The following SDK2 variants were observed in gnomAD, a reference collection of about 807,000 sequenced individuals.
SDK2 encodes protein sidekick-2.
A neutral mutation model predicts 253.9 loss-of-function variants in SDK2; 105 were observed. The observed-to-expected ratio is 0.41, with a 90% CI of 0.35 to 0.49. The LOEUF is 0.49. Ranked by LOEUF, SDK2 falls within the 20% of genes least tolerant of loss-of-function variation. The pLI is 0.06. For missense variants in SDK2, 2,608 were observed against 3,003.0 expected (o/e 0.87, Z 3.07); for synonymous variants, 1,249 against 1,234.9 (o/e 1.01, Z -0.24).
rs1555607360 is a variant in SDK2 at position 73,588,209 on chromosome 17, C to CCGG, written c.64+55815_64+55816insCCG. ...CCAACATGGAGAGACCCCCCCCCCT[C>CCGG]CCCCGCCATCTCTACTAAAAATACA... On this transcript the variant is annotated intron_variant, in intron 1 of 44. Transcript: ENST00000392650. Among the ~76,000 whole-genome samples, 94 of 137,054 alleles carry CCGG rather than the reference C, an allele frequency of 6.9e-4. 1 individual carries two copies. The highest frequency in any genetic ancestry group is 2.7e-3 in the African/African-American group (90 of 33,760). The allele number at this position is 137,054 out of a possible 152,430, so 89.9% of individuals were successfully genotyped here.
chr17:73,359,174 T>G (rs968155566), intron 39 of SDK2, among the ~76,000 whole-genome samples: 1 of 151,670 alleles, frequency 6.6e-6, no homozygotes, highest in Non-Finnish European at 1.5e-5. Flanking sequence ...CATGAGTGGG[T>G]GGCCACCTGG....
intron 1 of SDK2, among the ~76,000 whole-genome samples, chr17:73,633,449 TC>T (rs925586584): frequency 3.3e-5 from 5 of 152,062 alleles, no homozygotes; most frequent in African/African-American, 1.2e-4. Flanking sequence ...GCATTTACCT[TC>T]CCATTTTTTT....
chr17:73,550,312 T>C (rs78955192), intron 1 of SDK2, among the ~76,000 whole-genome samples: 8,791 of 152,238 alleles, frequency 0.058, 716 homozygotes, highest in African/African-American at 0.19. Context: ...CTGAAATATA[T>C]GCTGCTTAAT....
chr17:73,388,419 G>A (rs1336173325), intron 29 of SDK2, among the ~76,000 whole-genome samples: 1 of 152,198 alleles, frequency 6.6e-6, no homozygotes, highest in Admixed American at 6.5e-5. Flanking sequence ...CCTACGAGAA[G>A]CGCTGCTTCA....
intron 18 of SDK2, among the ~76,000 whole-genome samples, chr17:73,413,290 C>T (rs1327743090): frequency 6.6e-6 from 1 of 151,812 alleles, no homozygotes; most frequent in African/African-American, 2.4e-5. Context: ...CTGTCACTGT[C>T]TCCCATCACC....
Position 73,465,947 on chromosome 17 carries a change from G to C in SDK2, c.331+6165C>G, listed in dbSNP as rs2063593902. Among the ~76,000 whole-genome samples, 1 of 152,194 alleles carries C rather than the reference G, an allele frequency of 6.6e-6. No homozygotes were observed. The highest frequency in any genetic ancestry group is 1.5e-5 in the Non-Finnish European group (1 of 68,028). On this transcript the variant is annotated intron_variant, in intron 3 of 44. Transcript: ENST00000392650. This position sits in a 1 kb window ranked among gnomAD's most constrained non-coding sequence, Gnocchi z 4.2. ...GTGTGCCATCTGCGTGTGTGTGTAA[G>C]GAGACAGACGGATTGGCAGACAGGC...
intron 41 of SDK2, among the ~76,000 whole-genome samples, chr17:73,351,002 G>A (rs1644532086): frequency 6.6e-6 from 1 of 152,194 alleles, no homozygotes; most frequent in African/African-American, 2.4e-5. Flanking sequence ...GATGTCAGAT[G>A]AGTTCTGAGA....
At chr17:73,485,570 T>C (rs546344142) in intron 2 of SDK2, among the ~76,000 whole-genome samples, 34 of 152,240 alleles carry the variant, frequency 2.2e-4, no homozygotes, top group African/African-American at 7.9e-4. Context: ...AAAACAGAGC[T>C]TAGCAAACTA....
intron 18 of SDK2, among the ~76,000 whole-genome samples, chr17:73,412,098 A>ATG (rs1555764343): frequency 3.2e-5 from 3 of 93,898 alleles, no homozygotes; most frequent in African/African-American, 3.9e-5. Flanking sequence ...ATATACGTAT[A>ATG]TATGTATACG....
At chr17:73,582,991 T>C (rs1394585658) in intron 1 of SDK2, among the ~76,000 whole-genome samples, 1 of 152,144 alleles carries the variant, frequency 6.6e-6, no homozygotes, top group Non-Finnish European at 1.5e-5. Context: ...CCAGGGCCTT[T>C]ACACAGCCCG....
Position 73,598,913 on chromosome 17 carries a change from C to T in SDK2, c.64+45112G>A, listed in dbSNP as rs537472924. Among the ~76,000 whole-genome samples, 116 of 152,356 alleles carry T rather than the reference C, an allele frequency of 7.6e-4. 1 individual carries two copies. Among genetic ancestry groups the T allele is most frequent in the African/African-American group, 2.7e-3 (111 of 41,584 alleles). ...TAAAATGAATGGATCAGGCACCAAG[C>T]GCCGGCTTGCTTCGATTTTTCTTCA... On this transcript the variant is annotated intron_variant, in intron 1 of 44. Transcript: ENST00000392650.
intron 1 of SDK2, among the ~76,000 whole-genome samples, chr17:73,577,289 A>C (rs1254105433): frequency 6.6e-6 from 1 of 152,244 alleles, no homozygotes; most frequent in Non-Finnish European, 1.5e-5. Context: ...AAAACTCTTA[A>C]GTGGAATCCA....
intron 5 of SDK2, among the ~76,000 whole-genome samples, chr17:73,444,549 C>A (rs2063438437): frequency 1.3e-5 from 2 of 152,212 alleles, no homozygotes; most frequent in African/African-American, 4.8e-5. Context: ...CTTTGCGTAA[C>A]AGCCAGGACA....
chr17:73,392,504 A>G lies in SDK2; in HGVS notation c.3899-966T>C, dbSNP rs192375711. On this transcript the variant is annotated intron_variant, in intron 27 of 44. Coordinates refer to ENST00000392650, the MANE Select transcript of SDK2 (RefSeq NM_001144952.2). ...GGCTGGTCTTGAACTCCTGACCTCA[A>G]GTGGTCTGCCTGCCTTGGCTGCCTA... is the stretch of plus-strand genomic sequence containing the variant. 1.8e-3 allele frequency among the ~76,000 whole-genome samples: 269 copies of G among 152,210 alleles called. 1 individual carries two copies. The highest frequency in any genetic ancestry group is 6.3e-3 in the African/African-American group (260 of 41,538).
intron 2 of SDK2, among the ~76,000 whole-genome samples, chr17:73,480,674 T>C (rs1050708553): frequency 6.6e-6 from 1 of 151,464 alleles, no homozygotes; most frequent in African/African-American, 2.4e-5. Context: ...CAGAGAGATC[T>C]AGGGAGAAAG....
rs960295110 is a variant in SDK2, at chr17:73,511,236, C to T, written c.65-3639G>A. Among the ~76,000 whole-genome samples the T allele has an allele frequency of 6.6e-6, 1 of 152,240 alleles. No individual in the cohort carries two copies. The highest frequency in any genetic ancestry group is 2.4e-5 in the African/African-American group (1 of 41,458). On this transcript the variant is annotated intron_variant, in intron 1 of 44. Coordinates refer to ENST00000392650, the MANE Select transcript of SDK2 (RefSeq NM_001144952.2). The surrounding 1 kb of genome is among the most constrained non-coding windows in gnomAD (Gnocchi z 4.9). Reference sequence around the variant, plus strand: ...GTTTTAAAACAATAACGATCCAGCCCCTGGGTGATTAAATCCCTTCCATGT... The same window carrying T: ...GTTTTAAAACAATAACGATCCAGCCTCTGGGTGATTAAATCCCTTCCATGT...
chr17:73,531,864 T>C (rs1256819817), intron 1 of SDK2, among the ~76,000 whole-genome samples: 1 of 152,152 alleles, frequency 6.6e-6, no homozygotes, highest in Admixed American at 6.5e-5. Flanking sequence ...AGGCCTTCAC[T>C]CCTGTCAATC....
In SDK2 at chr17:73,616,021, G is replaced by A. The variant is rs1310140427; in HGVS notation, c.64+28004C>T. On this transcript the variant is annotated intron_variant, in intron 1 of 44. Transcript: ENST00000392650. The surrounding 1 kb of genome is among the most constrained non-coding windows in gnomAD (Gnocchi z 5.2). ...CACACGCATGCATGTAGACACATAT[G>A]CATATACACATGAACACACATACAC... 6.6e-6 allele frequency among the ~76,000 whole-genome samples: 1 copy of A among 152,000 alleles called. No homozygotes were observed. The highest frequency in any genetic ancestry group is 2.4e-5 in the African/African-American group (1 of 41,372).
rs552843918 is a variant in SDK2 at position 73,569,602 on chromosome 17, C to T, written c.65-62005G>A. Among the ~76,000 whole-genome samples the T allele has an allele frequency of 4.2e-4, 63 of 150,896 alleles. 1 individual carries two copies. The South Asian group carries it at 0.012, about 29-fold the overall frequency. On this transcript the variant is annotated intron_variant, in intron 1 of 44. Transcript: ENST00000392650. ...TTTCAAAAGCAATCCCCACCCCCAACGAATTAAATCAGAATTAGTCAGGGC... is the reference window on the plus strand; with the variant it reads ...TTTCAAAAGCAATCCCCACCCCCAATGAATTAAATCAGAATTAGTCAGGGC...
Sources: gnomAD v4.1 joint callset for allele counts (sites outside exome capture counted in the v4.1 genomes callset) on GRCh38, gnomAD v4.1.1 for gene constraint, Gnocchi (gnomAD v3.1) non-coding constraint, MANE v1.5 for transcripts, NCBI Gene and HGNC (gene_info 2026-07-23, HGNC 2026-07-21) for gene names.